The following PAX9 variants were observed in gnomAD, a reference collection of about 807,000 sequenced individuals.
PAX9 encodes the protein paired box protein Pax-9.
In PAX9, 6 loss-of-function variants were observed where a neutral mutation model predicts 29.1. The observed-to-expected ratio is 0.21, with a 90% CI of 0.11 to 0.41. The LOEUF is 0.41. Among genes scored for constraint, PAX9 ranks in the 10% least tolerant of loss-of-function variants. The pLI is 1.00. For synonymous variants in PAX9, 217 were observed against 211.7 expected (o/e 1.03, Z -0.22); for missense variants, 443 against 479.1 (o/e 0.92, Z 0.70).
chr14:36,662,557 G>A, intron 1 of PAX9: 2 of 452,498 alleles, frequency 4.4e-6, no homozygotes, highest in Non-Finnish European at 7.9e-6. Flanking sequence ...AAGGACTTTA[G>A]TGAGGAGCAG....
chr14:36,661,400 C>A (rs1183241678), upstream of PAX9, among the ~76,000 whole-genome samples: 1 of 152,216 alleles, frequency 6.6e-6, no homozygotes, highest in Non-Finnish European at 1.5e-5. Context: ...GTAGAATCGG[C>A]AGGTGACACA....
intron 3 of PAX9, among the ~76,000 whole-genome samples, chr14:36,672,643 T>C (rs1327783120): frequency 1.3e-5 from 2 of 151,838 alleles, no homozygotes; most frequent in African/African-American, 4.8e-5. Flanking sequence ...TCCTTTTTTT[T>C]CTAAATTTAT....
rs1258920152 is a variant in PAX9, at chr14:36,677,615, G to A, written c.*1163G>A. ...AGCAATCTCAGCCCCAAATAATGTT[G>A]TAATTTAAAGAAAATGGAAAATTCT... On this transcript the variant is annotated 3_prime_UTR_variant, in exon 4 of 4. Coordinates refer to ENST00000361487, the MANE Select transcript of PAX9 (RefSeq NM_001372076.1). The A allele has an allele frequency of 6.6e-6, 1 of 152,178 alleles. No homozygotes were observed. The highest frequency in any genetic ancestry group is 1.5e-5 in the Non-Finnish European group (1 of 68,038). The allele number at this position is 152,178 out of a possible 1,614,324, so 9.4% of individuals were successfully genotyped here. A position where few individuals can be genotyped will look rare whatever the true frequency, so the allele number is the denominator to read the frequency against.
At chr14:36,673,867 T>C (rs1881785875) in intron 3 of PAX9, among the ~76,000 whole-genome samples, 1 of 152,240 alleles carries the variant, frequency 6.6e-6, no homozygotes, top group Admixed American at 6.5e-5. Context: ...ATTTTAGAAG[T>C]AATTTTAATG....
chr14:36,672,295 G>T (rs1245986772), intron 3 of PAX9, among the ~76,000 whole-genome samples: 1 of 152,138 alleles, frequency 6.6e-6, no homozygotes, highest in Non-Finnish European at 1.5e-5. Flanking sequence ...AGATTTGGTA[G>T]TCTCTACTCA....
intron 3 of PAX9, 73 bp downstream of exon 3, chr14:36,666,674 G>C: frequency 6.6e-7 from 1 of 1,524,276 alleles, no homozygotes; most frequent in South Asian, 1.2e-5. Flanking sequence ...CTTTGTGATG[G>C]GTCCCTTTCT....
At chr14:36,673,900 C>A (rs564294537) in intron 3 of PAX9, among the ~76,000 whole-genome samples, 2 of 152,244 alleles carry the variant, frequency 1.3e-5, no homozygotes, top group South Asian at 4.1e-4. Flanking sequence ...TTTCATTATT[C>A]TTAGTTCACA....
At chr14:36,666,665 T>A in intron 3 of PAX9, 64 bp downstream of exon 3, 1 of 1,534,036 alleles carries the variant, frequency 6.5e-7, no homozygotes, top group East Asian at 2.4e-5. Flanking sequence ...GATGGAACAC[T>A]TTGTGATGGG....
At chr14:36,659,277 G>A (rs1349384199), upstream of PAX9, among the ~76,000 whole-genome samples, 3 of 152,124 alleles carry the variant, frequency 2.0e-5, no homozygotes, top group African/African-American at 7.2e-5. Flanking sequence ...TACATTCATC[G>A]GGACTGACCA....
rs1383311522 is a variant in PAX9 at position 36,676,349 on chromosome 14, C to T, written c.923C>T (p.Thr308Ile). 1.2e-6 allele frequency: 2 copies of T among 1,614,086 alleles called. No individual in the cohort carries two copies. Among genetic ancestry groups the T allele is most frequent in the East Asian group, 2.2e-5 (1 of 44,868 alleles). ...CATGGGTGGCAACATGCTGGGGGCA[C>T]CTCATTGTCTCCCCACAACTGTGAC... ...AGHGWQHAGG[T>I]SLSPHNCDIP... The change falls in exon 4 of 4, where the codon ACC (threonine) becomes ATC (isoleucine). Residue 308 changes from threonine (T) to isoleucine (I), a missense_variant. Transcript: ENST00000361487.
At chr14:36,667,732 T>G (rs1881559474) in intron 3 of PAX9, among the ~76,000 whole-genome samples, 1 of 152,180 alleles carries the variant, frequency 6.6e-6, no homozygotes, top group Non-Finnish European at 1.5e-5. Flanking sequence ...TATTAGTGGC[T>G]CTCCAATGGC....
intron 3 of PAX9, among the ~76,000 whole-genome samples, chr14:36,672,836 C>T (rs372055495): frequency 6.8e-3 from 166 of 24,334 alleles, no homozygotes; most frequent in Middle Eastern, 0.022. Flanking sequence ...TTTCTTTTTT[C>T]TTTCTTTCTT....
chr14:36,679,190 C>T lies in PAX9; in HGVS notation c.*2738C>T, dbSNP rs937490879. 4 of 984,732 alleles carry T rather than the reference C, an allele frequency of 4.1e-6. No individual in the cohort carries two copies. The highest frequency in any genetic ancestry group is 4.8e-6 in the Non-Finnish European group (4 of 829,580). The allele number at this position is 984,732 out of a possible 1,614,324, so 61.0% of individuals were successfully genotyped here. A position where few individuals can be genotyped will look rare whatever the true frequency, so the allele number is the denominator to read the frequency against. ...ACACATTCTTATTTCTTTTTTTTCA[C>T]AATTTTGTTTTGTTTTTAATGACCC... On this transcript the variant is annotated 3_prime_UTR_variant, in exon 4 of 4. Coordinates refer to ENST00000361487, the MANE Select transcript of PAX9 (RefSeq NM_001372076.1).
intron 3 of PAX9, 60 bp from the exon 4 acceptor site, chr14:36,676,138 C>A: frequency 2.6e-6 from 4 of 1,561,660 alleles, no homozygotes; most frequent in Non-Finnish European, 3.5e-6. Flanking sequence ...TTTCTAAGAA[C>A]GTGTGAAATG....
At chr14:36,671,562 C>T (rs1881693925) in intron 3 of PAX9, among the ~76,000 whole-genome samples, 1 of 152,052 alleles carries the variant, frequency 6.6e-6, no homozygotes, top group Non-Finnish European at 1.5e-5. Flanking sequence ...TTTCACAAAC[C>T]TATACTAACT....
At position 36,676,882 on chromosome 14, in the gene PAX9, A is replaced by C; in HGVS notation, c.*430A>C. On this transcript the variant is annotated 3_prime_UTR_variant, in exon 4 of 4. Coordinates refer to ENST00000361487, the MANE Select transcript of PAX9 (RefSeq NM_001372076.1). Reference sequence around the variant, plus strand: ...AAAATCAATAAAGGAAAATACTTATAGAAAAAATTATGCTACACCCTCTAA... The same window carrying C: ...AAAATCAATAAAGGAAAATACTTATCGAAAAAATTATGCTACACCCTCTAA... The C allele has an allele frequency of 4.5e-6, 1 of 221,236 alleles. No homozygotes were observed. Among genetic ancestry groups the C allele is most frequent in the Non-Finnish European group, 9.2e-6 (1 of 109,108 alleles). 13.7% of individuals were successfully genotyped at this position (221,236 alleles called of 1,614,324 possible).
upstream of PAX9, among the ~76,000 whole-genome samples, chr14:36,658,268 T>A (rs371779752): frequency 5.9e-4 from 89 of 151,818 alleles, no homozygotes; most frequent in East Asian, 0.014. Context: ...TAGAAGTCAA[T>A]GCACTATGAA....
chr14:36,673,896 TATTCTTAGTTCAC>T (rs1881786875), intron 3 of PAX9, among the ~76,000 whole-genome samples: 1 of 152,238 alleles, frequency 6.6e-6, no homozygotes, highest in Non-Finnish European at 1.5e-5. Flanking sequence ...CTTATTTCAT[TATTCTTAGTTCAC>T]ATTGGCATCA....
rs564730181 is a variant in PAX9, at chr14:36,669,228, A to G, written c.771+2627A>G. Among the ~76,000 whole-genome samples, 31 of 152,340 alleles carry G rather than the reference A, an allele frequency of 2.0e-4. No individual in the cohort carries two copies. In the East Asian group the frequency reaches 5.4e-3, roughly 26 times the overall value. ...TAGACATTGATTTCATGTAAGGTTA[A>G]ATTGCACATTAATACTTGTTTATAA... On this transcript the variant is annotated intron_variant, in intron 3 of 3. Transcript: ENST00000361487.
Sources: gnomAD v4.1 joint callset for allele counts (sites outside exome capture counted in the v4.1 genomes callset) on GRCh38, gnomAD v4.1.1 for gene constraint, MANE v1.5 for transcripts, NCBI Gene and HGNC (gene_info 2026-07-23, HGNC 2026-07-21) for gene names.